The following ZFC3H1 variants were observed in gnomAD, a reference collection of about 807,000 sequenced individuals.
The protein encoded by ZFC3H1 is zinc finger C3H1 domain-containing protein.
A neutral mutation model predicts 243.7 loss-of-function variants in ZFC3H1; 71 were observed. That is an observed-to-expected ratio of 0.29 (90% confidence interval 0.24 to 0.36). The LOEUF is 0.36. Among genes scored for constraint, ZFC3H1 ranks in the 10% least tolerant of loss-of-function variants. ZFC3H1 has a pLI of 1.00. For synonymous variants in ZFC3H1, 838 were observed against 813.0 expected (o/e 1.03, Z -0.52); for missense variants, 1,966 against 2,317.1 (o/e 0.85, Z 3.11).
intron 27 of ZFC3H1, among the ~76,000 whole-genome samples, chr12:71,616,617 T>C (rs1457694899): frequency 6.6e-6 from 1 of 152,244 alleles, no homozygotes; most frequent in Admixed American, 6.5e-5. Context: ...GTGTGTATGA[T>C]ACTTACCACC....
At chr12:71,625,960 TAA>T (rs1329968031) in intron 22 of ZFC3H1, among the ~76,000 whole-genome samples, 1 of 152,130 alleles carries the variant, frequency 6.6e-6, no homozygotes, top group Non-Finnish European at 1.5e-5. Flanking sequence ...TTGCCCAAAC[TAA>T]AACTGTGTAA....
intron 23 of ZFC3H1, among the ~76,000 whole-genome samples, 197 bp downstream of exon 23, chr12:71,623,907 G>A (rs1490733703): frequency 6.6e-6 from 1 of 151,986 alleles, no homozygotes. Flanking sequence ...AAACTCTAAA[G>A]ATATTACACC....
intron 30 of ZFC3H1, among the ~76,000 whole-genome samples, chr12:71,614,002 GATAATCACA>G (rs1879835866): frequency 6.6e-6 from 1 of 152,066 alleles, no homozygotes; most frequent in Non-Finnish European, 1.5e-5. Context: ...TTTTTTAAAA[GATAATCACA>G]AAACTATATC....
intron 18 of ZFC3H1, 61 bp from the exon 19 acceptor site, chr12:71,629,771 A>G: frequency 9.3e-7 from 1 of 1,076,354 alleles, no homozygotes; most frequent in Non-Finnish European, 1.4e-6. Context: ...AGGATAATTA[A>G]AATGTATGAC....
In ZFC3H1 at chr12:71,663,056, G is replaced by A. The variant is rs1488916438; in HGVS notation, c.555C>T (p.Ser185=). ...PLGGGAGSGF[S]SSQSWREPSP... is the part of the protein sequence containing the mutation. ...AGGGCTCTCGCCAGCTCTGACTGCT[G>A]CTGAACCCGGATCCTGCTCCTCCTC... Residue 185 remains serine, a synonymous_variant, in exon 1 of 35, where the codon AGC becomes AGT. Transcript: ENST00000378743. 6.2e-7 allele frequency: 1 copy of A among 1,613,234 alleles called. No homozygotes were observed. Among genetic ancestry groups the A allele is most frequent in the East Asian group, 2.2e-5 (1 of 44,870 alleles).
rs1469992700 is a variant in ZFC3H1 at position 71,662,947 on chromosome 12, A to G, written c.598+66T>C. 4 of 1,438,446 alleles carry G rather than the reference A, an allele frequency of 2.8e-6. No individual in the cohort carries two copies. In the East Asian group the frequency reaches 9.2e-5, roughly 33 times the overall value. 89.1% of individuals were successfully genotyped at this position (1,438,446 alleles called of 1,614,324 possible). A position where few individuals can be genotyped will look rare whatever the true frequency, so the allele number is the denominator to read the frequency against. On this transcript the variant is annotated intron_variant, in intron 1 of 34. Transcript: ENST00000378743. ...ATTCAAAGTTACACTCGTCTCACAG[A>G]CCTAGTAATGACGCTAAAGGGAACT...
chr12:71,644,464 T>G, intron 4 of ZFC3H1, 146 bp from the exon 5 acceptor site: 2 of 833,260 alleles, frequency 2.4e-6, no homozygotes, highest in Non-Finnish European at 3.6e-6. Flanking sequence ...TAGGGCCCTG[T>G]AATTCCCCAA....
At chr12:71,630,472 A>G in intron 18 of ZFC3H1, 128 bp downstream of exon 18, 3 of 1,259,606 alleles carry the variant, frequency 2.4e-6, no homozygotes, top group Non-Finnish European at 3.2e-6. Context: ...CAGCAAATCT[A>G]GATAAAGTAT....
At chr12:71,652,061 T>C (rs1738534210) in intron 2 of ZFC3H1, among the ~76,000 whole-genome samples, 1 of 152,076 alleles carries the variant, frequency 6.6e-6, no homozygotes, top group African/African-American at 2.4e-5. Flanking sequence ...AAAGGTTGAG[T>C]AAAAGGCCTG....
At chr12:71,650,951 C>T (rs1880868851) in intron 2 of ZFC3H1, among the ~76,000 whole-genome samples, 2 of 152,188 alleles carry the variant, frequency 1.3e-5, no homozygotes, top group South Asian at 4.1e-4. Flanking sequence ...CCCTCACTCT[C>T]CTGTATTAGC....
chr12:71,639,910 T>C (rs1453661756), intron 6 of ZFC3H1, among the ~76,000 whole-genome samples: 3 of 152,244 alleles, frequency 2.0e-5, no homozygotes, highest in African/African-American at 7.2e-5. Flanking sequence ...TACTATGCTC[T>C]TGATTCTGTG....
chr12:71,614,835 C>T lies in ZFC3H1; in HGVS notation c.5359G>A (p.Asp1787Asn). 1.9e-6 allele frequency: 3 copies of T among 1,612,264 alleles called. No homozygotes were observed. Among genetic ancestry groups the T allele is most frequent in the Non-Finnish European group, 2.5e-6 (3 of 1,178,764 alleles). ...RCDIVQKIWM[D>N]YLVFANNRAA... is the part of the protein sequence containing the mutation. ...CTTATCAAGAAAACCTAAACTTACT[C>T]CATCCATATCTTCTGTACTATATCA... Residue 1787 changes from aspartate to asparagine, a missense_variant and splice_region_variant, in exon 29 of 35, where the codon GAT (aspartate) becomes AAT (asparagine). By Grantham distance (23) the Asp-to-Asn change is conservative. Coordinates refer to ENST00000378743, the MANE Select transcript of ZFC3H1 (RefSeq NM_144982.5).
intron 5 of ZFC3H1, among the ~76,000 whole-genome samples, chr12:71,643,374 T>G (rs1880648175): frequency 6.6e-6 from 1 of 151,362 alleles, no homozygotes; most frequent in Non-Finnish European, 1.5e-5. Flanking sequence ...AACATGCCAT[T>G]GCACTCCAGC....
rs1014841917 is a variant in ZFC3H1, at chr12:71,610,407, A to G, written c.*21T>C. On this transcript the variant is annotated 3_prime_UTR_variant, in exon 35 of 35. Transcript: ENST00000378743. Reference sequence around the variant, plus strand: ...ATTTTGGCAATTATTATAAGGACTTAGAACTGACTGCACCCAGTGTTCAGT... The same window carrying G: ...ATTTTGGCAATTATTATAAGGACTTGGAACTGACTGCACCCAGTGTTCAGT... 39 of 1,609,688 alleles carry G rather than the reference A, an allele frequency of 2.4e-5. No individual in the cohort carries two copies. The highest frequency in any genetic ancestry group is 3.2e-5 in the Non-Finnish European group (38 of 1,178,142).
intron 2 of ZFC3H1, among the ~76,000 whole-genome samples, chr12:71,652,350 A>G (rs1267513142): frequency 6.6e-6 from 1 of 152,214 alleles, no homozygotes; most frequent in Non-Finnish European, 1.5e-5. Flanking sequence ...CGTTTAAAAG[A>G]CAAAATTCAA....
rs1225379114 is a variant in ZFC3H1 at position 71,647,740 on chromosome 12, G to GT, written c.1080+8dup. ...ACAGAGATGATAGTCTCACAAAGCA[G>GT]TATCTTACCTTTTCAGACAGAATAT... On this transcript the variant is annotated intron_variant, in intron 3 of 34. Coordinates refer to ENST00000378743, the MANE Select transcript of ZFC3H1 (RefSeq NM_144982.5). 1.4e-6 allele frequency: 2 copies of GT among 1,463,312 alleles called. No individual in the cohort carries two copies. The highest frequency in any genetic ancestry group is 9.3e-7 in the Non-Finnish European group (1 of 1,074,706). 90.6% of individuals were successfully genotyped at this position (1,463,312 alleles called of 1,614,324 possible).
chr12:71,611,116 AAAAG>A lies in ZFC3H1; in HGVS notation c.5730-23_5730-20del. 2 of 1,542,128 alleles carry A rather than the reference AAAAG, an allele frequency of 1.3e-6. No homozygotes were observed. The highest frequency in any genetic ancestry group is 2.2e-5 in the Admixed American group (1 of 46,130). On this transcript the variant is annotated intron_variant, in intron 32 of 34. Coordinates refer to ENST00000378743, the MANE Select transcript of ZFC3H1 (RefSeq NM_144982.5). The stretch of plus-strand genomic sequence containing the variant: ...AATGGCTCTAAGAGAAAAAAAAAAA[AAAAG>A]AAATATAGAAAAAGGAAAAGAAAAA...
Position 71,610,475 on chromosome 12 carries a change from C to A in ZFC3H1, c.5923G>T (p.Glu1975Ter), listed in dbSNP as rs1256029829. The change falls in exon 35 of 35, where the codon GAG becomes TAG. Residue 1975 changes from glutamate (E) to a stop codon, truncating the protein, a stop_gained. Coordinates refer to ENST00000378743, the MANE Select transcript of ZFC3H1 (RefSeq NM_144982.5). LOFTEE classifies it high-confidence loss of function. ...TTGTTACTGTTTAAATTTAAGAGCT[C>A]ATTTAGGCTGACTCCAATCTCTTGG... ...KCQEIGVSLN[E>*]LLNLNSNKTE... The A allele has an allele frequency of 1.9e-6, 3 of 1,613,620 alleles. No individual in the cohort carries two copies. The highest frequency in any genetic ancestry group is 2.5e-6 in the Non-Finnish European group (3 of 1,179,626).
At chr12:71,662,892 T>G in intron 1 of ZFC3H1, 121 bp downstream of exon 1, 1 of 1,017,720 alleles carries the variant, frequency 9.8e-7, no homozygotes, top group East Asian at 2.4e-5. Context: ...TAAAGTATAC[T>G]GACACAGGGA....
Sources: allele counts gnomAD v4.1 joint callset (sites outside exome capture counted in the v4.1 genomes callset), GRCh38; gene constraint gnomAD v4.1.1; transcripts MANE v1.5; gene names NCBI Gene and HGNC (gene_info 2026-07-23, HGNC 2026-07-21).